GNB1L: variants seen among roughly 807,000 people sequenced by gnomAD.
The protein encoded by GNB1L is guanine nucleotide-binding protein subunit beta-like protein 1.
GNB1L carries 20 observed loss-of-function variants against 29.1 expected under a neutral mutation model. The observed-to-expected ratio is 0.69, with a 90% CI of 0.48 to 1.00. The LOEUF is 1.00. GNB1L is among the 50% of genes least tolerant of loss of function. GNB1L has a pLI of 0.00. For synonymous variants in GNB1L, 193 were observed against 206.5 expected (o/e 0.93, Z 0.56); for missense variants, 421 against 464.9 (o/e 0.91, Z 0.87).
chr22:19,817,556 G>A (rs1412173282), intron 4 of GNB1L, among the ~76,000 whole-genome samples: 1 of 152,236 alleles, frequency 6.6e-6, no homozygotes, highest in East Asian at 1.9e-4. Context: ...CGGAGCTCAC[G>A]GAGATAAAGT....
intron 6 of GNB1L, among the ~76,000 whole-genome samples, chr22:19,803,678 TC>T (rs1175342528): frequency 6.6e-6 from 1 of 152,072 alleles, no homozygotes; most frequent in Admixed American, 6.5e-5. Flanking sequence ...TAGAAGGGCC[TC>T]CCCCTGGTAA....
At chr22:19,851,763 C>A in intron 2 of GNB1L, 1 of 1,611,178 alleles carries the variant, frequency 6.2e-7, no homozygotes, top group Admixed American at 1.7e-5. Flanking sequence ...AGCTCGTAAT[C>A]GTCAGGCAGG....
chr22:19,840,719 A>G (rs1467437683), intron 2 of GNB1L, among the ~76,000 whole-genome samples: 1 of 152,142 alleles, frequency 6.6e-6, no homozygotes, highest in Non-Finnish European at 1.5e-5. Context: ...CTGAGGCAGG[A>G]GAATCGCTTG....
intron 7 of GNB1L, among the ~76,000 whole-genome samples, 166 bp from the exon 8 acceptor site, chr22:19,789,126 C>T (rs144717932): frequency 1.2e-4 from 19 of 152,312 alleles, no homozygotes; most frequent in African/African-American, 4.1e-4. Flanking sequence ...CCTAAGGCCA[C>T]GATGGGGGAC....
intron 4 of GNB1L, among the ~76,000 whole-genome samples, chr22:19,815,497 AG>A (rs1374950538): frequency 6.6e-6 from 1 of 152,104 alleles, no homozygotes; most frequent in East Asian, 1.9e-4. Context: ...AAGGGAGGGG[AG>A]GTGTGGCTGC....
At chr22:19,853,718 T>TG (rs35729509) in intron 2 of GNB1L, among the ~76,000 whole-genome samples, 3,388 of 143,528 alleles carry the variant, frequency 0.024, 99 homozygotes, top group African/African-American at 0.074. Flanking sequence ...GACCCCCCTC[T>TG]GGGGGGGGGG....
intron 4 of GNB1L, among the ~76,000 whole-genome samples, chr22:19,817,412 C>T (rs781364257): frequency 3.9e-5 from 6 of 151,946 alleles, no homozygotes; most frequent in East Asian, 1.9e-4. Flanking sequence ...ACCAGGGAGT[C>T]GGAGGTTGCA....
intron 3 of GNB1L, 145 bp from the exon 4 acceptor site, chr22:19,820,868 C>A: frequency 1.0e-6 from 1 of 971,068 alleles, no homozygotes; most frequent in Non-Finnish European, 1.5e-6. Context: ...GAACTAAGGG[C>A]CAAACTGGCA....
Position 19,822,860 on chromosome 22 carries a change from C to T in GNB1L, c.-20-1485G>A, listed in dbSNP as rs953980492. Among the ~76,000 whole-genome samples the T allele has an allele frequency of 1.1e-4, 16 of 152,308 alleles. No individual in the cohort carries two copies. The East Asian group carries it at 1.7e-3, about 17-fold the overall frequency. On this transcript the variant is annotated intron_variant, in intron 2 of 7. Transcript: ENST00000329517. The stretch of plus-strand genomic sequence containing the variant: ...GGTGCCCCTTCAGCAGCACTGCCAC[C>T]GCCAAGCCCTGCCTCTCCCCTTCTG...
intron 2 of GNB1L, among the ~76,000 whole-genome samples, chr22:19,827,555 T>C (rs1232303274): frequency 6.6e-6 from 1 of 152,188 alleles, no homozygotes; most frequent in Non-Finnish European, 1.5e-5. Context: ...GGACAGATAT[T>C]TCACAAGCAA....
intron 2 of GNB1L, chr22:19,849,372 G>GT (rs796724694): frequency 0.096 from 61,740 of 641,068 alleles, 197 homozygotes; most frequent in African/African-American, 0.12. Flanking sequence ...GTTTTTTGTT[G>GT]TTTTTTTTTT....
intron 4 of GNB1L, among the ~76,000 whole-genome samples, chr22:19,812,984 C>T (rs756114587): frequency 3.9e-5 from 6 of 152,208 alleles, no homozygotes; most frequent in Non-Finnish European, 7.3e-5. Flanking sequence ...ATCCTCTCCA[C>T]GCGTACACCT....
At chr22:19,827,271 T>A (rs555433627) in intron 2 of GNB1L, among the ~76,000 whole-genome samples, 49 of 152,276 alleles carry the variant, frequency 3.2e-4, no homozygotes, top group South Asian at 2.3e-3. Context: ...CAAAAAAAAT[T>A]CTCTCTTAAT....
At position 19,806,647 on chromosome 22, in the gene GNB1L, G is replaced by A. The variant is rs766455200; in HGVS notation, c.516+12C>T. The A allele has an allele frequency of 8.9e-6, 14 of 1,574,320 alleles. No individual in the cohort carries two copies. The highest frequency in any genetic ancestry group is 1.7e-5 in the Admixed American group (1 of 59,570). ...GGCCGGCAGGGCGTGGCTGGTGCAC[G>A]CGGGGCCTTACCTGCCACAGCCGCA... On this transcript the variant is annotated intron_variant, in intron 6 of 7. Coordinates refer to ENST00000329517, the MANE Select transcript of GNB1L (RefSeq NM_053004.3).
chr22:19,851,498 A>C (rs1272870593), intron 2 of GNB1L: 1 of 1,614,036 alleles, frequency 6.2e-7, no homozygotes, highest in Non-Finnish European at 8.5e-7. Flanking sequence ...CTGCTGCTCG[A>C]ACAGAGCACT....
chr22:19,806,716 G>T lies in GNB1L; in HGVS notation c.459C>A (p.Ala153=). ...LEMPSKTSVC[A]LKPKADAKLG... ...GCTTGGCATCTGCCTTCGGCTTCAG[G>T]GCGCACACTGACGTCTTGGAGGGCA... is the stretch of plus-strand genomic sequence containing the variant. The change falls in exon 6 of 8, where the codon GCC becomes GCA. Residue 153 remains alanine, a synonymous_variant. Coordinates refer to ENST00000329517, the MANE Select transcript of GNB1L (RefSeq NM_053004.3). The T allele has an allele frequency of 6.2e-7, 1 of 1,613,728 alleles. No individual in the cohort carries two copies. The highest frequency in any genetic ancestry group is 8.5e-7 in the Non-Finnish European group (1 of 1,179,844).
chr22:19,825,389 G>T (rs1383716293), intron 2 of GNB1L, among the ~76,000 whole-genome samples: 2 of 152,226 alleles, frequency 1.3e-5, no homozygotes, highest in African/African-American at 2.4e-5. Flanking sequence ...GGAGGCCGAG[G>T]TGGGAGGATT....
In GNB1L at chr22:19,801,926, C is replaced by A. The variant is rs2145867614; in HGVS notation, c.732+75G>T. On this transcript the variant is annotated intron_variant, in intron 7 of 7. Transcript: ENST00000329517. ...GGATCTGCAACAACTCCTCTTCATG[C>A]CTAAATATTGTTTCAGCCTATCAGA... 2.4e-6 allele frequency: 3 copies of A among 1,238,992 alleles called. No homozygotes were observed. The East Asian group carries it at 7.7e-5, about 32-fold the overall frequency. 76.7% of individuals were successfully genotyped at this position (1,238,992 alleles called of 1,614,324 possible).
At chr22:19,802,250 A>T in intron 6 of GNB1L, 34 bp from the exon 7 acceptor site, 1 of 1,563,158 alleles carries the variant, frequency 6.4e-7, no homozygotes. Context: ...AGCTCCTGGA[A>T]GGACCCTGAC....
Sources: allele counts gnomAD v4.1 joint callset (sites outside exome capture counted in the v4.1 genomes callset), GRCh38; gene constraint gnomAD v4.1.1; transcripts MANE v1.5; gene names NCBI Gene and HGNC (gene_info 2026-07-23, HGNC 2026-07-21).